Variants in TAFA2 observed in about 807,000 individuals in gnomAD.
TAFA2 encodes chemokine-like protein TAFA-2.
In TAFA2, 7 loss-of-function variants were observed where a neutral mutation model predicts 18.8. The ratio of observed to expected loss-of-function variants is 0.37; its 90% CI spans 0.21 to 0.70. The LOEUF (loss-of-function observed/expected upper bound fraction) is 0.70. Among genes scored for constraint, TAFA2 ranks in the 30% least tolerant of loss-of-function variants. The probability of loss-of-function intolerance (pLI) is 0.53; values close to 1 mark genes in which losing one functional copy is unlikely to be tolerated. For synonymous variants in TAFA2, 60 were observed against 54.2 expected (o/e 1.11, Z -0.47); for missense variants, 122 against 158.1 (o/e 0.77, Z 1.23).
chr12:62,207,897 GT>G (rs1565779544), intron 1 of TAFA2, among the ~76,000 whole-genome samples: 1 of 152,150 alleles, frequency 6.6e-6, no homozygotes, highest in African/African-American at 2.4e-5. Flanking sequence ...GGCCCTCCCT[GT>G]GGTAAGTCAG....
chr12:61,997,860 A>C (rs1343131162), intron 1 of TAFA2, among the ~76,000 whole-genome samples: 1 of 152,212 alleles, frequency 6.6e-6, no homozygotes, highest in Non-Finnish European at 1.5e-5. Context: ...GAACAAAGTT[A>C]ATTTTAAATG....
intron 1 of TAFA2, chr12:62,235,316 C>T: frequency 1.5e-6 from 1 of 666,004 alleles, no homozygotes; most frequent in Admixed American, 2.3e-5. Flanking sequence ...GGGCCCTCGG[C>T]ATCTCTGTCC....
At chr12:62,259,965 ATATCTT>A (rs2062983078), upstream of TAFA2, 2 of 173,680 alleles carry the variant, frequency 1.2e-5, no homozygotes, top group Non-Finnish European at 2.5e-5. Context: ...ATTTTCTGCC[ATATCTT>A]AGCCGTCCCC....
At chr12:61,868,970 A>G (rs917542386) in intron 1 of TAFA2, among the ~76,000 whole-genome samples, 1 of 152,140 alleles carries the variant, frequency 6.6e-6, no homozygotes, top group African/African-American at 2.4e-5. Context: ...AGCATAGGAT[A>G]ATGTATGTGA....
intron 2 of TAFA2, among the ~76,000 whole-genome samples, chr12:61,804,766 C>T (rs931016866): frequency 9.2e-5 from 14 of 151,946 alleles, no homozygotes; most frequent in Admixed American, 2.0e-4. Flanking sequence ...GACATTAACC[C>T]TTTACAGCTA....
intron 1 of TAFA2, among the ~76,000 whole-genome samples, chr12:61,896,253 A>G (rs1334835007): frequency 6.6e-6 from 1 of 152,230 alleles, no homozygotes; most frequent in Non-Finnish European, 1.5e-5. Flanking sequence ...AAGGAAAGTA[A>G]TGGCTCTGGG....
chr12:61,851,499 G>A (rs1209034816), intron 2 of TAFA2, among the ~76,000 whole-genome samples: 17 of 152,052 alleles, frequency 1.1e-4, no homozygotes, highest in African/African-American at 1.4e-4. Context: ...AGTTCTGGCC[G>A]GGCGCGGTGG....
intron 2 of TAFA2, among the ~76,000 whole-genome samples, chr12:61,786,933 T>G (rs1028793283): frequency 7.3e-5 from 11 of 150,298 alleles, no homozygotes; most frequent in Non-Finnish European, 1.6e-4. Context: ...CCAAAAGAAC[T>G]CAGAAAAAAG....
chr12:61,928,110 T>G (rs1592493205), intron 1 of TAFA2, among the ~76,000 whole-genome samples: 1 of 152,156 alleles, frequency 6.6e-6, no homozygotes, highest in African/African-American at 2.4e-5. Context: ...GCCAAAGACT[T>G]CATGACTAAA....
intron 2 of TAFA2, among the ~76,000 whole-genome samples, chr12:61,812,161 C>T (rs1475538975): frequency 6.6e-6 from 1 of 151,362 alleles, no homozygotes; most frequent in Admixed American, 6.5e-5. Context: ...AGCACAGATG[C>T]AATTCCTAGA....
intron 4 of TAFA2, among the ~76,000 whole-genome samples, chr12:61,744,243 C>T (rs1471123693): frequency 6.6e-6 from 1 of 152,076 alleles, no homozygotes; most frequent in African/African-American, 2.4e-5. Context: ...GGTCCTATTA[C>T]AATATGTGAA....
chr12:62,235,033 G>A, intron 1 of TAFA2: 1 of 636,454 alleles, frequency 1.6e-6, no homozygotes, highest in Non-Finnish European at 3.0e-6. Context: ...TCCCCAATAT[G>A]AGACATCACT....
At chr12:61,903,210 TTA>T (rs1331188433) in intron 1 of TAFA2, among the ~76,000 whole-genome samples, 1 of 152,066 alleles carries the variant, frequency 6.6e-6, no homozygotes, top group East Asian at 1.9e-4. Flanking sequence ...CCCAACCTCC[TTA>T]CCATAACCTA....
At chr12:62,204,145 A>C (rs2062682692) in intron 1 of TAFA2, among the ~76,000 whole-genome samples, 1 of 151,434 alleles carries the variant, frequency 6.6e-6, no homozygotes, top group South Asian at 2.1e-4. Context: ...TTTTTTTTTT[A>C]AGAATGTTGA....
At chr12:62,088,975 A>G (rs1217137674) in intron 1 of TAFA2, among the ~76,000 whole-genome samples, 1 of 152,064 alleles carries the variant, frequency 6.6e-6, no homozygotes, top group Non-Finnish European at 1.5e-5. Context: ...ACACACACAC[A>G]GTTCTTATGA....
chr12:61,832,928 AT>A (rs2121097241), intron 2 of TAFA2, among the ~76,000 whole-genome samples: 1 of 151,484 alleles, frequency 6.6e-6, no homozygotes, highest in Admixed American at 6.6e-5. Context: ...CACTTGATTT[AT>A]TCGTCAATTC....
chr12:62,256,251 A>T (rs1489656308), intron 1 of TAFA2, among the ~76,000 whole-genome samples: 1 of 152,148 alleles, frequency 6.6e-6, no homozygotes, highest in Admixed American at 6.5e-5. Flanking sequence ...CCTGGGCAAC[A>T]GAGTGAGACT....
At chr12:61,910,596 G>T (rs573786358) in intron 1 of TAFA2, among the ~76,000 whole-genome samples, 5 of 152,290 alleles carry the variant, frequency 3.3e-5, no homozygotes, top group African/African-American at 1.2e-4. Flanking sequence ...CCATCAAGGA[G>T]CTCCCATTTT....
chr12:62,105,005 T>G (rs1869383915), intron 1 of TAFA2: 2 of 190,038 alleles, frequency 1.1e-5, no homozygotes, highest in South Asian at 1.7e-4. Context: ...GAGAAAGTAC[T>G]TATAATTACA....
Sources: allele counts gnomAD v4.1 joint callset (sites outside exome capture counted in the v4.1 genomes callset), GRCh38; gene constraint gnomAD v4.1.1; transcripts MANE v1.5; gene names NCBI Gene and HGNC (gene_info 2026-07-23, HGNC 2026-07-21).